The following YWHAE variants were observed in gnomAD, a reference collection of about 807,000 sequenced individuals.
YWHAE encodes 14-3-3 protein epsilon.
Under a neutral mutation model 30.1 loss-of-function variants are expected in YWHAE, and 4 were observed. The observed-to-expected ratio is 0.13, with a 90% confidence interval of 0.07 to 0.30. The LOEUF (loss-of-function observed/expected upper bound fraction) is 0.30, where lower values mean the gene tolerates loss of function less well. Ranked by LOEUF, YWHAE falls within the 10% of genes least tolerant of loss-of-function variation. The pLI is 1.00. For missense variants in YWHAE, 121 were observed against 315.9 expected (o/e 0.38, Z 4.68); for synonymous variants, 118 against 111.8 (o/e 1.06, Z -0.35).
intron 1 of YWHAE, among the ~76,000 whole-genome samples, chr17:1,368,387 A>G (rs1360240779): frequency 2.6e-5 from 4 of 151,498 alleles, no homozygotes; most frequent in African/African-American, 9.7e-5. Flanking sequence ...AAAAAAAGGA[A>G]AAAAAAAGAA....
At chr17:1,368,758 C>G (rs1300715296) in intron 1 of YWHAE, among the ~76,000 whole-genome samples, 1 of 152,106 alleles carries the variant, frequency 6.6e-6, no homozygotes, top group Non-Finnish European at 1.5e-5. Context: ...ATCAGCAAGT[C>G]AAACATAACT....
chr17:1,346,474 G>C (rs566686366), intron 5 of YWHAE, among the ~76,000 whole-genome samples: 146 of 152,276 alleles, frequency 9.6e-4, no homozygotes, highest in African/African-American at 2.9e-3. Context: ...ATTTAATTAG[G>C]ATGGACAAAT....
chr17:1,368,876 T>C (rs929639364), intron 1 of YWHAE, among the ~76,000 whole-genome samples: 4 of 152,214 alleles, frequency 2.6e-5, no homozygotes, highest in African/African-American at 4.8e-5. Context: ...TTTACAATAT[T>C]ACATACAGAA....
chr17:1,354,354 G>A lies in YWHAE; in HGVS notation c.579-7C>T. 6.2e-7 allele frequency: 1 copy of A among 1,611,134 alleles called. No homozygotes were observed. The highest frequency in any genetic ancestry group is 1.3e-5 in the African/African-American group (1 of 74,892). The stretch of plus-strand genomic sequence containing the variant: ...AAAAGCTGCTTTTGCCAACCTAAAG[G>A]TATTTCAATAGAAGTGTTATAAAAA... On this transcript the variant is annotated splice_region_variant and splice_polypyrimidine_tract_variant and intron_variant, in intron 4 of 5. Transcript: ENST00000264335.
In YWHAE at chr17:1,399,156, T is replaced by C. The variant is rs375920409; in HGVS notation, c.64+891A>G. On this transcript the variant is annotated intron_variant, in intron 1 of 5. Transcript: ENST00000264335. ...AACGGGGGGACGGAGGCTCGGGCTC[T>C]ACAAAGGCTCGAACTCTCAGAGTCG... The C allele has an allele frequency of 8.5e-5, 13 of 152,270 alleles. No individual in the cohort carries two copies. In the East Asian group the frequency reaches 1.5e-3, roughly 18 times the overall value. 9.4% of individuals were successfully genotyped at this position (152,270 alleles called of 1,614,324 possible).
rs112963071 is a variant in YWHAE, at chr17:1,373,369, A to G, written c.65-8311T>C. On this transcript the variant is annotated intron_variant, in intron 1 of 5. Transcript: ENST00000264335. ...TCACAGATAACCACCATTAACATGTAATGAAAAGTTTGAGGCCGGGCGAGG... is the reference window on the plus strand; with the variant it reads ...TCACAGATAACCACCATTAACATGTGATGAAAAGTTTGAGGCCGGGCGAGG... Among the ~76,000 whole-genome samples, 35 of 152,160 alleles carry G rather than the reference A, an allele frequency of 2.3e-4. 1 individual carries two copies. The highest frequency in any genetic ancestry group is 8.4e-4 in the African/African-American group (35 of 41,542).
At chr17:1,357,562 A>G (rs964229515) in intron 4 of YWHAE, among the ~76,000 whole-genome samples, 28 of 152,050 alleles carry the variant, frequency 1.8e-4, no homozygotes, top group Middle Eastern at 3.2e-3. Flanking sequence ...CCACAGCAGC[A>G]GAGTGAGACT....
chr17:1,388,126 T>C lies in YWHAE; in HGVS notation c.64+11921A>G, dbSNP rs1168839822. Among the ~76,000 whole-genome samples the C allele has an allele frequency of 1.2e-3, 115 of 97,064 alleles. 5 individuals carry two copies. The South Asian group carries it at 0.041, about 35-fold the overall frequency. The allele number at this position is 97,064 out of a possible 152,430, so 63.7% of individuals were successfully genotyped here. A position where few individuals can be genotyped will look rare whatever the true frequency, so the allele number is the denominator to read the frequency against. ...GTTTTTTTTTTTGGTTGGTTTTTTT[T>C]TTTTTTTTTTTTTTTTAGTAGAGAC... On this transcript the variant is annotated intron_variant, in intron 1 of 5. Transcript: ENST00000264335.
intron 1 of YWHAE, among the ~76,000 whole-genome samples, chr17:1,394,273 C>A (rs547882731): frequency 6.6e-6 from 1 of 152,028 alleles, no homozygotes; most frequent in South Asian, 2.1e-4. Flanking sequence ...AAACTTTTGT[C>A]AACGTGGGCT....
chr17:1,356,171 A>AAC (rs71148473), intron 4 of YWHAE, among the ~76,000 whole-genome samples: 7,209 of 142,818 alleles, frequency 0.05, 220 homozygotes, highest in Middle Eastern at 0.085. Flanking sequence ...TCCGTCTAAA[A>AAC]ACACACACAC....
rs2072498947 is a variant in YWHAE at position 1,345,406 on chromosome 17, G to A, written c.*41C>T. The stretch of plus-strand genomic sequence containing the variant: ...AGTTTCCAAAGGGTGGGATGGGGAG[G>A]AGGGGGTGGTCAGAGATGGTTTCTC... On this transcript the variant is annotated 3_prime_UTR_variant, in exon 6 of 6. Coordinates refer to ENST00000264335, the MANE Select transcript of YWHAE (RefSeq NM_006761.5). 6.2e-7 allele frequency: 1 copy of A among 1,607,338 alleles called. No individual in the cohort carries two copies.
At chr17:1,370,119 CTTTTTTTTTTTTTTT>C (rs538497835) in intron 1 of YWHAE, among the ~76,000 whole-genome samples, 2 of 76,318 alleles carry the variant, frequency 2.6e-5, no homozygotes, top group Non-Finnish European at 2.4e-5. Context: ...CACAGAAAAA[CTTTTTTTTTTTTTTT>C]TTTTTTTTTT....
chr17:1,393,489 G>A (rs1335011617), intron 1 of YWHAE, among the ~76,000 whole-genome samples: 1 of 152,170 alleles, frequency 6.6e-6, no homozygotes, highest in East Asian at 1.9e-4. Flanking sequence ...GGAGTGCAAT[G>A]GTGCGATGTG....
intron 1 of YWHAE, among the ~76,000 whole-genome samples, chr17:1,373,840 G>A (rs1236639094): frequency 6.6e-6 from 1 of 152,122 alleles, no homozygotes; most frequent in African/African-American, 2.4e-5. Context: ...CAATCAAACA[G>A]GGTGTACCTA....
intron 2 of YWHAE, 199 bp downstream of exon 2, chr17:1,364,660 A>G: frequency 1.5e-6 from 1 of 646,696 alleles, no homozygotes; most frequent in Non-Finnish European, 2.6e-6. Context: ...CCTGATACAG[A>G]CTATGTTTTG....
At chr17:1,358,388 C>T (rs370108926) in intron 4 of YWHAE, among the ~76,000 whole-genome samples, 29 of 152,186 alleles carry the variant, frequency 1.9e-4, no homozygotes, top group Admixed American at 1.2e-3. Context: ...TACAGGCGCC[C>T]GCCACCACGC....
intron 5 of YWHAE, among the ~76,000 whole-genome samples, chr17:1,346,612 G>A (rs1005563985): frequency 1.3e-5 from 2 of 152,140 alleles, no homozygotes; most frequent in Admixed American, 6.6e-5. Flanking sequence ...TCTCTTCTGC[G>A]GCGGAAACGC....
chr17:1,346,922 CG>C (rs2072528837), intron 5 of YWHAE, among the ~76,000 whole-genome samples: 2 of 147,890 alleles, frequency 1.4e-5, no homozygotes, highest in African/African-American at 2.5e-5. Context: ...ACCCAGGAGA[CG>C]GAGGTTGCAG....
chr17:1,345,380 G>T lies in YWHAE; in HGVS notation c.*67C>A, dbSNP rs965430251. ...TTTGGTGGTTCTCAGTGACAATGGG[G>T]AGTTTCCAAAGGGTGGGATGGGGAG... is the stretch of plus-strand genomic sequence containing the variant. On this transcript the variant is annotated 3_prime_UTR_variant, in exon 6 of 6. Coordinates refer to ENST00000264335, the MANE Select transcript of YWHAE (RefSeq NM_006761.5). 2.0e-6 allele frequency: 3 copies of T among 1,510,814 alleles called. No individual in the cohort carries two copies. The African/African-American group carries it at 4.1e-5, about 21-fold the overall frequency. 93.6% of individuals were successfully genotyped at this position (1,510,814 alleles called of 1,614,324 possible). A position where few individuals can be genotyped will look rare whatever the true frequency, so the allele number is the denominator to read the frequency against.
Sources: gnomAD v4.1 joint callset for allele counts (sites outside exome capture counted in the v4.1 genomes callset) on GRCh38, gnomAD v4.1.1 for gene constraint, MANE v1.5 for transcripts, NCBI Gene and HGNC (gene_info 2026-07-23, HGNC 2026-07-21) for gene names.